The following VGLL4 variants were observed in gnomAD, a reference collection of about 807,000 sequenced individuals.
The protein encoded by VGLL4 is vestigial like family member 4.
In VGLL4, 7 loss-of-function variants were observed where a neutral mutation model predicts 21.0. That is an observed-to-expected ratio of 0.33 (90% CI 0.19 to 0.63). VGLL4 has a LOEUF of 0.63. Among genes scored for constraint, VGLL4 ranks in the 20% least tolerant of loss-of-function variants. VGLL4 has a pLI of 0.78. For missense variants in VGLL4, 394 were observed against 425.7 expected (o/e 0.93, Z 0.66); for synonymous variants, 222 against 173.2 (o/e 1.28, Z -2.21).
At chr3:11,695,617 T>C (rs2076596508) in intron 2 of VGLL4, among the ~76,000 whole-genome samples, 1 of 152,136 alleles carries the variant, frequency 6.6e-6, no homozygotes, top group Admixed American at 6.5e-5. Flanking sequence ...AGGAATGCAC[T>C]TAAAAGTTCA....
rs370716518 is a variant in VGLL4, at chr3:11,702,731, C to CAA, written c.64+238_64+239dup. 791 of 131,768 alleles carry CAA rather than the reference C, an allele frequency of 6.0e-3. 7 individuals carry two copies. The highest frequency in any genetic ancestry group is 0.015 in the African/African-American group (386 of 25,176). 8.2% of individuals were successfully genotyped at this position (131,768 alleles called of 1,614,324 possible). ...TGGGCAACACAGCATGATCCCATCT[C>CAA]AAAAAAAAAAAAACAAAAAAAAAAA... On this transcript the variant is annotated intron_variant, in intron 2 of 5. Coordinates refer to the VGLL4 transcript ENST00000273038.
intron 2 of VGLL4, chr3:11,582,524 A>G (rs895526590): frequency 3.2e-6 from 2 of 626,848 alleles, no homozygotes; most frequent in Non-Finnish European, 5.4e-6. Flanking sequence ...GGGAGGGTTT[A>G]TTTATAGAGG....
chr3:11,668,727 C>T (rs1056214433), intron 2 of VGLL4, among the ~76,000 whole-genome samples: 1 of 152,230 alleles, frequency 6.6e-6, no homozygotes, highest in Non-Finnish European at 1.5e-5. Context: ...ACCACCTGCT[C>T]ACACGCCAGG....
intron 3 of VGLL4, among the ~76,000 whole-genome samples, chr3:11,562,364 C>T (rs1213256627): frequency 1.3e-5 from 2 of 152,292 alleles, no homozygotes; most frequent in East Asian, 1.9e-4. Context: ...TGTCCCAGTT[C>T]CCAGAGATCT....
chr3:11,668,440 T>A (rs181687431), intron 2 of VGLL4, among the ~76,000 whole-genome samples: 2 of 152,172 alleles, frequency 1.3e-5, no homozygotes, highest in African/African-American at 2.4e-5. Context: ...CAGTGGCAGC[T>A]GGGAGCTTGT....
chr3:11,586,035 C>CA (rs1176739140), intron 2 of VGLL4, among the ~76,000 whole-genome samples: 2 of 152,164 alleles, frequency 1.3e-5, no homozygotes, highest in Non-Finnish European at 2.9e-5. Flanking sequence ...CAAAGTGGGA[C>CA]AACTCCTAGA....
chr3:11,606,914 A>G (rs2074957012), intron 1 of VGLL4, among the ~76,000 whole-genome samples: 2 of 152,110 alleles, frequency 1.3e-5, no homozygotes, highest in Non-Finnish European at 2.9e-5. Context: ...CACCTTTAAG[A>G]GCTGTAACAC....
intron 2 of VGLL4, among the ~76,000 whole-genome samples, chr3:11,681,471 G>A (rs1004535694): frequency 6.6e-5 from 10 of 152,296 alleles, no homozygotes; most frequent in Admixed American, 1.3e-4. Flanking sequence ...TTGGGAGCCC[G>A]CTGTGATACA....
At chr3:11,690,955 G>A (rs767941731) in intron 2 of VGLL4, among the ~76,000 whole-genome samples, 2 of 152,036 alleles carry the variant, frequency 1.3e-5, no homozygotes, top group East Asian at 3.9e-4. Flanking sequence ...AAGCAAAAGA[G>A]TATAAAGAAA....
chr3:11,662,466 CTTA>C (rs1341132275), intron 2 of VGLL4, among the ~76,000 whole-genome samples: 4 of 152,176 alleles, frequency 2.6e-5, no homozygotes, highest in Non-Finnish European at 2.9e-5. Context: ...AGTAAGGTGG[CTTA>C]TTATAAAATG....
At chr3:11,647,676 A>T (rs1016680923), upstream of VGLL4, among the ~76,000 whole-genome samples, 1 of 152,060 alleles carries the variant, frequency 6.6e-6, no homozygotes, top group Admixed American at 6.5e-5. Flanking sequence ...CCCATACCTT[A>T]TATGTGCTTC....
chr3:11,652,477 T>C (rs2075888213), intron 2 of VGLL4, among the ~76,000 whole-genome samples: 1 of 152,200 alleles, frequency 6.6e-6, no homozygotes, highest in Non-Finnish European at 1.5e-5. Flanking sequence ...TGGAGTGCAG[T>C]GGCGCGATGT....
intron 2 of VGLL4, among the ~76,000 whole-genome samples, chr3:11,682,268 G>T (rs2076384184): frequency 6.6e-6 from 1 of 151,992 alleles, no homozygotes; most frequent in South Asian, 2.1e-4. Flanking sequence ...ATCTGGGCGT[G>T]GTGGTGGGCA....
chr3:11,590,524 G>A (rs1559884056), intron 2 of VGLL4, among the ~76,000 whole-genome samples: 1 of 152,144 alleles, frequency 6.6e-6, no homozygotes, highest in Non-Finnish European at 1.5e-5. Context: ...CCTCTGCTGG[G>A]GCTGGAAGGC....
chr3:11,614,097 GCCT>G (rs1418480508), intron 1 of VGLL4, among the ~76,000 whole-genome samples: 1 of 152,204 alleles, frequency 6.6e-6, no homozygotes, highest in African/African-American at 2.4e-5. Context: ...GCACGGTGCC[GCCT>G]CCTCCCCACA....
rs1046083690 is a variant in VGLL4, at chr3:11,604,838, T to A, written c.83-2816A>T. ...TACAAAGAAATTGCTACTTGTGTAA[T>A]GGTGAACTAAGACAGCAAAACTCAA... On this transcript the variant is annotated intron_variant, in intron 1 of 4. Transcript: ENST00000430365. Among the ~76,000 whole-genome samples, 2 of 144,054 alleles carry A rather than the reference T, an allele frequency of 1.4e-5. 1 individual carries two copies. Among genetic ancestry groups the A allele is most frequent in the Non-Finnish European group, 3.0e-5 (2 of 65,676 alleles). 94.5% of individuals were successfully genotyped at this position (144,054 alleles called of 152,430 possible).
rs2072390651 is a variant in VGLL4, at chr3:11,556,216, G to A, written c.*2340C>T. 6.6e-6 allele frequency: 1 copy of A among 152,606 alleles called. No individual in the cohort carries two copies. The highest frequency in any genetic ancestry group is 1.5e-5 in the Non-Finnish European group (1 of 68,006). The allele number at this position is 152,606 out of a possible 1,614,324, so 9.5% of individuals were successfully genotyped here. Reference sequence around the variant, plus strand: ...ATTTACACACATGAAGAGAAGGTCAGAGCGCACTGCAGGCAGCGCGGCTCT... The same window carrying A: ...ATTTACACACATGAAGAGAAGGTCAAAGCGCACTGCAGGCAGCGCGGCTCT... On this transcript the variant is annotated 3_prime_UTR_variant, in exon 5 of 5. Transcript: ENST00000430365.
chr3:11,708,089 C>A (rs2076787256), intron 1 of VGLL4, among the ~76,000 whole-genome samples: 1 of 152,124 alleles, frequency 6.6e-6, no homozygotes, highest in Admixed American at 6.5e-5. Context: ...ATCTATGTAA[C>A]CCTGGGAAAT....
chr3:11,715,362 C>T lies in VGLL4; in HGVS notation c.-14+5032G>A, dbSNP rs2076905712. Among the ~76,000 whole-genome samples the T allele has an allele frequency of 3.3e-5, 5 of 151,944 alleles. No homozygotes were observed. The South Asian group carries it at 8.3e-4, about 25-fold the overall frequency. Reference sequence around the variant, plus strand: ...TTTTTTTTATTTTTTGAGATGGAGCCTTGATCTGTCGCCTAGGCTGGAGTG... The same window carrying T: ...TTTTTTTTATTTTTTGAGATGGAGCTTTGATCTGTCGCCTAGGCTGGAGTG... On this transcript the variant is annotated intron_variant, in intron 1 of 5. Transcript: ENST00000273038.
Sources: allele counts gnomAD v4.1 joint callset (sites outside exome capture counted in the v4.1 genomes callset), GRCh38; gene constraint gnomAD v4.1.1; transcripts MANE v1.5; gene names NCBI Gene and HGNC (gene_info 2026-07-23, HGNC 2026-07-21).